Variants in MGAT4C observed in about 807,000 individuals in gnomAD.
MGAT4C encodes the protein MGAT4 family member C.
A neutral mutation model predicts 40.1 loss-of-function variants in MGAT4C; 19 were observed. That is an observed-to-expected ratio of 0.47 (90% CI 0.33 to 0.70). MGAT4C has a LOEUF of 0.70. Ranked by LOEUF, MGAT4C falls within the 30% of genes least tolerant of loss-of-function variation. The probability of loss-of-function intolerance (pLI) is 0.02; values close to 1 mark genes in which losing one functional copy is unlikely to be tolerated. For synonymous variants in MGAT4C, 181 were observed against 187.1 expected (o/e 0.97, Z 0.27); for missense variants, 491 against 563.2 (o/e 0.87, Z 1.30).
At chr12:86,630,110 G>T (rs530440497) in intron 2 of MGAT4C, among the ~76,000 whole-genome samples, 4 of 152,110 alleles carry the variant, frequency 2.6e-5, no homozygotes, top group African/African-American at 7.2e-5. Context: ...TTCCATCAGA[G>T]AATACTATAA....
intron 1 of MGAT4C, among the ~76,000 whole-genome samples, chr12:86,736,282 T>C (rs1950984638): frequency 6.6e-6 from 1 of 151,884 alleles, no homozygotes; most frequent in East Asian, 2.0e-4. Context: ...TTCAAATATG[T>C]CTTATAATTT....
At chr12:86,713,506 C>G (rs187335981) in intron 2 of MGAT4C, among the ~76,000 whole-genome samples, 1 of 152,060 alleles carries the variant, frequency 6.6e-6, no homozygotes, top group East Asian at 1.9e-4. Context: ...ATTATAAGGG[C>G]TTCTACCTCT....
At chr12:86,489,758 G>C (rs1011818936) in intron 2 of MGAT4C, among the ~76,000 whole-genome samples, 1 of 152,152 alleles carries the variant, frequency 6.6e-6, no homozygotes, top group African/African-American at 2.4e-5. Context: ...CTGCAAAGGA[G>C]TTAAGAAATT....
chr12:86,290,319 G>A (rs765717488), intron 4 of MGAT4C, among the ~76,000 whole-genome samples: 3 of 152,274 alleles, frequency 2.0e-5, no homozygotes, highest in Middle Eastern at 6.8e-3. Flanking sequence ...TTACAGGTAT[G>A]AGCCACCGCA....
At chr12:85,994,359 C>T (rs1426559399) in intron 2 of MGAT4C, among the ~76,000 whole-genome samples, 1 of 152,122 alleles carries the variant, frequency 6.6e-6, no homozygotes, top group East Asian at 1.9e-4. Context: ...ATGATACAGA[C>T]AATTAGCACA....
chr12:86,061,416 C>T (rs1444156169), intron 1 of MGAT4C, among the ~76,000 whole-genome samples: 3 of 152,008 alleles, frequency 2.0e-5, no homozygotes, highest in Non-Finnish European at 4.4e-5. Context: ...GGGTTTCAAG[C>T]ACAAAACTCG....
chr12:86,735,862 C>T (rs1950977811), intron 1 of MGAT4C, among the ~76,000 whole-genome samples: 1 of 151,878 alleles, frequency 6.6e-6, no homozygotes, highest in Admixed American at 6.6e-5. Context: ...GTCTGTCACA[C>T]TGACTTGCTC....
chr12:86,179,073 C>A (rs1887809028), intron 1 of MGAT4C, among the ~76,000 whole-genome samples: 1 of 152,158 alleles, frequency 6.6e-6, no homozygotes, highest in African/African-American at 2.4e-5. Context: ...CCAAAATTCC[C>A]ACATGTTGTG....
At chr12:86,315,017 G>A (rs1257451791) in intron 4 of MGAT4C, among the ~76,000 whole-genome samples, 4 of 150,618 alleles carry the variant, frequency 2.7e-5, no homozygotes, top group Non-Finnish European at 5.9e-5. Context: ...ATATAGAACT[G>A]AAAAAAAACA....
In MGAT4C at chr12:86,549,137, T is replaced by A. The variant is rs11103986; in HGVS notation, c.-228-113872A>T. ...TGAACTATTTTATTTTGTTAATGAT[T>A]TTAACATTGACTGTGATGATCTTAC... On this transcript the variant is annotated intron_variant, in intron 2 of 7. Transcript: ENST00000548651. 9.8e-3 allele frequency among the ~76,000 whole-genome samples: 1,493 copies of A among 152,310 alleles called. 26 individuals are homozygous for A. Among genetic ancestry groups the A allele is most frequent in the African/African-American group, 0.035 (1,434 of 41,558 alleles).
At position 85,971,150 on chromosome 12, in the gene MGAT4C, T is replaced by A. The variant is rs1883604562; in HGVS notation, c.*8139A>T. The A allele has an allele frequency of 6.6e-6, 1 of 151,244 alleles. No homozygotes were observed. The allele number at this position is 151,244 out of a possible 1,614,324, so 9.4% of individuals were successfully genotyped here. On this transcript the variant is annotated 3_prime_UTR_variant, in exon 5 of 5. Coordinates refer to ENST00000611864, the MANE Select transcript of MGAT4C (RefSeq NM_001351288.2). ...TAAAAAATTAACATTGATATATATA[T>A]TCATAAGGATAAAAGATATCAAAAT...
At chr12:86,529,974 T>C (rs150866985) in intron 2 of MGAT4C, among the ~76,000 whole-genome samples, 257 of 152,120 alleles carry the variant, frequency 1.7e-3, no homozygotes, top group African/African-American at 5.7e-3. Context: ...AAATGCTGTG[T>C]AGATGGTTGT....
chr12:86,240,763 C>A (rs953988511), intron 1 of MGAT4C, among the ~76,000 whole-genome samples: 1 of 152,020 alleles, frequency 6.6e-6, no homozygotes, highest in African/African-American at 2.4e-5. Flanking sequence ...TCTTATATTA[C>A]CACATTAAAA....
intron 1 of MGAT4C, among the ~76,000 whole-genome samples, chr12:86,814,430 C>T (rs1593232901): frequency 6.8e-6 from 1 of 146,324 alleles, no homozygotes. Context: ...ATATGAAAGG[C>T]ATGTTCTTTC....
chr12:86,741,244 A>G (rs138738978), intron 1 of MGAT4C, among the ~76,000 whole-genome samples: 1 of 151,382 alleles, frequency 6.6e-6, no homozygotes, highest in Non-Finnish European at 1.5e-5. Flanking sequence ...AGGGCCCATC[A>G]TTGGTGGATG....
intron 2 of MGAT4C, among the ~76,000 whole-genome samples, chr12:86,557,092 TG>T (rs1959647532): frequency 2.0e-5 from 3 of 152,228 alleles, no homozygotes. Context: ...TTTTCTTCAT[TG>T]TTTTTATAGA....
chr12:86,600,613 T>G (rs1196147991), intron 2 of MGAT4C, among the ~76,000 whole-genome samples: 1 of 152,142 alleles, frequency 6.6e-6, no homozygotes, highest in South Asian at 2.1e-4. Flanking sequence ...TAAAGAAGCA[T>G]TTTCATCATA....
chr12:86,709,115 G>T (rs1031785577), intron 2 of MGAT4C, among the ~76,000 whole-genome samples: 1 of 152,110 alleles, frequency 6.6e-6, no homozygotes, highest in African/African-American at 2.4e-5. Flanking sequence ...CCCAGTGGGA[G>T]GTAATTGAAT....
At chr12:85,999,225 C>T (rs1886999853) in intron 2 of MGAT4C, among the ~76,000 whole-genome samples, 1 of 152,074 alleles carries the variant, frequency 6.6e-6, no homozygotes, top group African/African-American at 2.4e-5. Context: ...TGGCTGCCTC[C>T]CATGACACAT....
Sources: allele counts gnomAD v4.1 joint callset (sites outside exome capture counted in the v4.1 genomes callset), GRCh38; gene constraint gnomAD v4.1.1; transcripts MANE v1.5; gene names NCBI Gene and HGNC (gene_info 2026-07-23, HGNC 2026-07-21).